The following APBB1IP variants were observed in gnomAD, a reference collection of about 807,000 sequenced individuals.
The protein encoded by APBB1IP is amyloid beta A4 precursor protein-binding family B member 1-interacting protein.
Under a neutral mutation model 64.9 loss-of-function variants are expected in APBB1IP, and 27 were observed. That is an observed-to-expected ratio of 0.42 (90% CI 0.31 to 0.57). The LOEUF (loss-of-function observed/expected upper bound fraction) is 0.57, where lower values mean the gene tolerates loss of function less well. APBB1IP is among the 20% of genes least tolerant of loss of function. APBB1IP has a pLI of 0.20. For synonymous variants in APBB1IP, 392 were observed against 331.0 expected (o/e 1.18, Z -2.00); for missense variants, 812 against 845.5 (o/e 0.96, Z 0.49).
chr10:26,462,143 G>C (rs1221125119), intron 2 of APBB1IP, among the ~76,000 whole-genome samples: 1 of 152,166 alleles, frequency 6.6e-6, no homozygotes, highest in African/African-American at 2.4e-5. Context: ...TTCTGACAAA[G>C]ACCATCTGAC....
rs957612853 is a variant in APBB1IP at position 26,567,641 on chromosome 10, C to G, written c.*153C>G. 2 of 1,398,356 alleles carry G rather than the reference C, an allele frequency of 1.4e-6. No homozygotes were observed. Among genetic ancestry groups the G allele is most frequent in the African/African-American group, 2.9e-5 (2 of 67,926 alleles). 86.6% of individuals were successfully genotyped at this position (1,398,356 alleles called of 1,614,324 possible). On this transcript the variant is annotated 3_prime_UTR_variant, in exon 15 of 15. Coordinates refer to ENST00000376236, the MANE Select transcript of APBB1IP (RefSeq NM_019043.4). ...CTCAAGTACAGGCATAACCATTAAC[C>G]CAGTAGAGTTCAGAATATCTGCCCA...
Position 26,542,415 on chromosome 10 carries a change from C to T in APBB1IP, c.1155+723C>T, listed in dbSNP as rs146301166. ...AGGCAATCCACCTACCTTGGCATCC[C>T]AAAGTGCTGGGGTTGCAGGCATCAG... On this transcript the variant is annotated intron_variant, in intron 11 of 14. Coordinates refer to ENST00000376236, the MANE Select transcript of APBB1IP (RefSeq NM_019043.4). 4.7e-3 allele frequency among the ~76,000 whole-genome samples: 723 copies of T among 152,282 alleles called. 4 individuals are homozygous for T. The highest frequency in any genetic ancestry group is 0.017 in the African/African-American group (692 of 41,556).
chr10:26,493,508 C>T lies in APBB1IP; in HGVS notation c.72+1110C>T, dbSNP rs149855272. 5.2e-3 allele frequency among the ~76,000 whole-genome samples: 791 copies of T among 152,258 alleles called. 7 individuals carry two copies. The highest frequency in any genetic ancestry group is 0.018 in the African/African-American group (749 of 41,546). On this transcript the variant is annotated intron_variant, in intron 3 of 14. Coordinates refer to ENST00000376236, the MANE Select transcript of APBB1IP (RefSeq NM_019043.4). ...AACTAATAAACGTCCATGAAATCTTCGCAATTTAAGTTCTTCTGCCATGGC... is the reference window on the plus strand; with the variant it reads ...AACTAATAAACGTCCATGAAATCTTTGCAATTTAAGTTCTTCTGCCATGGC...
At chr10:26,504,641 C>T (rs532950479) in intron 6 of APBB1IP, among the ~76,000 whole-genome samples, 1 of 151,468 alleles carries the variant, frequency 6.6e-6, no homozygotes, top group African/African-American at 2.4e-5. Context: ...GCCCAGAAGG[C>T]GGAGGTTGCC....
intron 2 of APBB1IP, among the ~76,000 whole-genome samples, chr10:26,479,636 T>C (rs1313317596): frequency 6.6e-6 from 1 of 152,208 alleles, no homozygotes; most frequent in African/African-American, 2.4e-5. Context: ...AGTGTATATA[T>C]CTAAAAAGCA....
intron 6 of APBB1IP, chr10:26,509,845 A>G (rs954185094): frequency 2.0e-5 from 3 of 152,250 alleles, no homozygotes; most frequent in South Asian, 2.1e-4. Flanking sequence ...TTAAGCTCAT[A>G]TGCTACAAAT....
chr10:26,485,006 C>G (rs1354090418), intron 2 of APBB1IP, among the ~76,000 whole-genome samples: 2 of 152,074 alleles, frequency 1.3e-5, no homozygotes, highest in African/African-American at 4.8e-5. Context: ...ACTCAAGTTG[C>G]CTCAAGTTGC....
intron 2 of APBB1IP, among the ~76,000 whole-genome samples, chr10:26,445,560 A>G (rs1309930042): frequency 2.6e-5 from 4 of 152,172 alleles, no homozygotes; most frequent in African/African-American, 9.7e-5. Context: ...TGGCCACGTA[A>G]ATTCTTAACC....
intron 8 of APBB1IP, among the ~76,000 whole-genome samples, chr10:26,528,611 A>G (rs1474961804): frequency 2.0e-5 from 3 of 152,096 alleles, no homozygotes; most frequent in Non-Finnish European, 4.4e-5. Flanking sequence ...ATCTGTATTT[A>G]TCTTCTCCAT....
chr10:26,549,333 G>A (rs1836803190), intron 11 of APBB1IP, among the ~76,000 whole-genome samples: 1 of 152,124 alleles, frequency 6.6e-6, no homozygotes, highest in Admixed American at 6.5e-5. Flanking sequence ...GATAATGTAG[G>A]CCTCATAGAA....
intron 5 of APBB1IP, among the ~76,000 whole-genome samples, chr10:26,502,565 C>T (rs905562826): frequency 1.3e-5 from 2 of 151,904 alleles, no homozygotes; most frequent in African/African-American, 4.8e-5. Flanking sequence ...TGGGGTGAAC[C>T]CAGGAGGCGG....
At chr10:26,524,764 G>C (rs1251929107) in intron 8 of APBB1IP, among the ~76,000 whole-genome samples, 46 of 152,094 alleles carry the variant, frequency 3.0e-4, no homozygotes, top group Admixed American at 3.0e-3. Flanking sequence ...AAGGAGGTCT[G>C]CTGTCTCTTA....
intron 2 of APBB1IP, among the ~76,000 whole-genome samples, chr10:26,442,048 T>C (rs11015108): frequency 0.047 from 7,097 of 152,154 alleles, 549 homozygotes; most frequent in African/African-American, 0.16. Context: ...TGAAAAAACC[T>C]GGGGCCTTTC....
chr10:26,439,868 G>A (rs1429475919), intron 2 of APBB1IP, among the ~76,000 whole-genome samples: 1 of 152,172 alleles, frequency 6.6e-6, no homozygotes, highest in Non-Finnish European at 1.5e-5. Context: ...TTTCAGAAAG[G>A]AAAACTTTGT....
At chr10:26,517,246 A>C (rs563207271) in intron 8 of APBB1IP, among the ~76,000 whole-genome samples, 1 of 152,248 alleles carries the variant, frequency 6.6e-6, no homozygotes, top group East Asian at 1.9e-4. Context: ...TACACTCTGA[A>C]TTTTTACAAA....
chr10:26,462,238 A>G (rs1282878347), intron 2 of APBB1IP, among the ~76,000 whole-genome samples: 1 of 152,206 alleles, frequency 6.6e-6, no homozygotes, highest in African/African-American at 2.4e-5. Flanking sequence ...TAAATTTAAG[A>G]TCTTTTTCTG....
intron 11 of APBB1IP, among the ~76,000 whole-genome samples, chr10:26,553,992 A>T: frequency 6.6e-6 from 1 of 152,158 alleles, no homozygotes; most frequent in Non-Finnish European, 1.5e-5. Flanking sequence ...TCTCGCTGAG[A>T]TCACATTCAC....
rs186752791 is a variant in APBB1IP, at chr10:26,496,592, A to C, written c.160+201A>C. Among the ~76,000 whole-genome samples the C allele has an allele frequency of 6.6e-5, 10 of 152,248 alleles. No individual in the cohort carries two copies. The East Asian group carries it at 1.3e-3, about 21-fold the overall frequency. On this transcript the variant is annotated intron_variant, in intron 4 of 14. Coordinates refer to ENST00000376236, the MANE Select transcript of APBB1IP (RefSeq NM_019043.4). ...AGAAGACATTTTCACCAATAATGAA[A>C]GGGAACACCATTCTGCATTTGTGAA...
chr10:26,540,890 T>C (rs1836688682), intron 10 of APBB1IP, among the ~76,000 whole-genome samples: 1 of 152,076 alleles, frequency 6.6e-6, no homozygotes, highest in Non-Finnish European at 1.5e-5. Flanking sequence ...GTGTGCTGAT[T>C]TACTGAGCAT....
Sources: allele counts gnomAD v4.1 joint callset (sites outside exome capture counted in the v4.1 genomes callset), GRCh38; gene constraint gnomAD v4.1.1; transcripts MANE v1.5; gene names NCBI Gene and HGNC (gene_info 2026-07-23, HGNC 2026-07-21).